Variants in ZXDC observed in about 807,000 individuals in gnomAD.
ZXDC encodes zinc finger protein ZXDC.
Under a neutral mutation model 63.6 loss-of-function variants are expected in ZXDC, and 58 were observed. The ratio of observed to expected loss-of-function variants is 0.91; its 90% CI spans 0.74 to 1.13. The LOEUF (loss-of-function observed/expected upper bound fraction) is 1.13. ZXDC is among the 50% of genes most tolerant of loss of function. ZXDC has a pLI of 0.00. For missense variants in ZXDC, 1,133 were observed against 1,148.9 expected (o/e 0.99, Z 0.20); for synonymous variants, 561 against 496.1 (o/e 1.13, Z -1.74).
In ZXDC at chr3:126,474,010, T is replaced by C. The variant is rs578186409; in HGVS notation, c.907+949A>G. ...TGAAGAGCTCACTGTGTTGGAGTCC[T>C]ACATTCCCAACAACTGCAGGTCAAC... is the stretch of plus-strand genomic sequence containing the variant. On this transcript the variant is annotated intron_variant, in intron 1 of 9. Coordinates refer to ENST00000389709, the MANE Select transcript of ZXDC (RefSeq NM_025112.5). 1.1e-3 allele frequency among the ~76,000 whole-genome samples: 169 copies of C among 151,360 alleles called. 1 individual carries two copies. The highest frequency in any genetic ancestry group is 3.8e-3 in the African/African-American group (156 of 41,186).
At chr3:126,446,897 A>G (rs1465198123) in intron 7 of ZXDC, among the ~76,000 whole-genome samples, 1 of 152,248 alleles carries the variant, frequency 6.6e-6, no homozygotes, top group Non-Finnish European at 1.5e-5. Context: ...GAAACACTGT[A>G]AGTAGTTTTT....
chr3:126,441,859 C>CCA lies in ZXDC; in HGVS notation c.2298_2299dup (p.Gly767ValfsTer107). 6.2e-7 allele frequency: 1 copy of CCA among 1,613,904 alleles called. No individual in the cohort carries two copies. Among genetic ancestry groups the CCA allele is most frequent in the East Asian group, 2.2e-5 (1 of 44,856 alleles). ...TCCTCCGCTGGGCACCACGAGGCTCCCACACAACCAACTGTTCTGGCTTGC... is the reference window on the plus strand; with the variant it reads ...TCCTCCGCTGGGCACCACGAGGCTCCCACACACAACCAACTGTTCTGGCTTGC... On this transcript the variant is annotated frameshift_variant, in exon 8 of 10. Coordinates refer to ENST00000389709, the MANE Select transcript of ZXDC (RefSeq NM_025112.5). LOFTEE classifies it high-confidence loss of function.
At chr3:126,467,637 C>A (rs1249827024) in intron 4 of ZXDC, among the ~76,000 whole-genome samples, 1 of 152,198 alleles carries the variant, frequency 6.6e-6, no homozygotes, top group Non-Finnish European at 1.5e-5. Flanking sequence ...AATACAGCTG[C>A]AAACTCGTTT....
At chr3:126,441,590 G>A (rs780622178) in intron 8 of ZXDC, 175 bp downstream of exon 8, 1 of 1,343,474 alleles carries the variant, frequency 7.4e-7, no homozygotes, top group South Asian at 2.1e-5. Context: ...AAAAAGGGAG[G>A]AGCTGGGCTG....
At chr3:126,450,842 A>C (rs1208508352) in intron 7 of ZXDC, among the ~76,000 whole-genome samples, 1 of 152,268 alleles carries the variant, frequency 6.6e-6, no homozygotes, top group Non-Finnish European at 1.5e-5. Flanking sequence ...CCTGAGCTGC[A>C]GTGCCAGCAC....
In ZXDC at chr3:126,438,398, T is replaced by C. The variant is rs200823611; in HGVS notation, c.2554A>G (p.Ile852Val). The change falls in exon 10 of 10, where the codon ATC (isoleucine) becomes GTC (valine). Residue 852 changes from isoleucine (I) to valine (V), a missense_variant. By Grantham distance (29) the Ile-to-Val change is conservative (BLOSUM62 3). Transcript: ENST00000389709. ...CGTCACTGCAGATCCTGCAGGTTGA[T>C]AGTGCTTCCTGGGAACTGGGTGGCC... ...PEATQFPGST[I>V]NLQDLQ The C allele has an allele frequency of 7.4e-6, 12 of 1,613,476 alleles. No homozygotes were observed. Among genetic ancestry groups the C allele is most frequent in the Non-Finnish European group, 1.0e-5 (12 of 1,179,832 alleles).
At chr3:126,444,312 T>C (rs571330257) in intron 7 of ZXDC, among the ~76,000 whole-genome samples, 459 of 152,256 alleles carry the variant, frequency 3.0e-3, no homozygotes, top group South Asian at 0.018. Flanking sequence ...GCGGGCAGAT[T>C]ACAAGGTCAG....
chr3:126,451,588 G>A (rs2107636935), intron 7 of ZXDC: 21 of 985,398 alleles, frequency 2.1e-5, no homozygotes, highest in Non-Finnish European at 2.5e-5. Context: ...ACAAGGACGC[G>A]CTGTGTGCAC....
In ZXDC at chr3:126,441,428, A is replaced by C. The variant is rs1264860340; in HGVS notation, c.2394+337T>G. 4 of 1,120,908 alleles carry C rather than the reference A, an allele frequency of 3.6e-6. No individual in the cohort carries two copies. In the African/African-American group the frequency reaches 6.5e-5, roughly 18 times the overall value. 69.4% of individuals were successfully genotyped at this position (1,120,908 alleles called of 1,614,324 possible). ...AGAAGGGCAGGGTGGCCTCAAACAG[A>C]TCTCATCCTGCTGCAAAACAGCCCT... On this transcript the variant is annotated intron_variant, in intron 8 of 9. Coordinates refer to ENST00000389709, the MANE Select transcript of ZXDC (RefSeq NM_025112.5).
chr3:126,459,856 T>G lies in ZXDC; in HGVS notation c.2128-119A>C. 6.4e-6 allele frequency: 10 copies of G among 1,571,640 alleles called. No homozygotes were observed. The South Asian group carries it at 1.2e-4, about 18-fold the overall frequency. On this transcript the variant is annotated intron_variant, in intron 6 of 9. Coordinates refer to ENST00000389709, the MANE Select transcript of ZXDC (RefSeq NM_025112.5). ...CATATCCGAGCTCCCAAAACCAGAG[T>G]CACCAGCAAGGCACACAAAGGGCCA...
At chr3:126,474,935 G>C (rs779290635) in intron 1 of ZXDC, 24 bp downstream of exon 1, 1 of 1,543,242 alleles carries the variant, frequency 6.5e-7, no homozygotes, top group South Asian at 1.2e-5. Flanking sequence ...CGCGCAGCCC[G>C]CCCGCCCCCG....
chr3:126,458,663 T>G, intron 7 of ZXDC: 9 of 985,402 alleles, frequency 9.1e-6, no homozygotes, highest in Non-Finnish European at 1.1e-5. Flanking sequence ...TATACTTGAA[T>G]GTTTGTCTCT....
chr3:126,441,410 C>A (rs545668259), intron 8 of ZXDC: 3 of 1,071,448 alleles, frequency 2.8e-6, no homozygotes, highest in Non-Finnish European at 2.2e-6. Context: ...AGAAGAAGGG[C>A]AGGGTGGCCT....
At chr3:126,440,908 C>G in intron 8 of ZXDC, 1 of 985,682 alleles carries the variant, frequency 1.0e-6, no homozygotes, top group Non-Finnish European at 1.2e-6. Context: ...AACCCACAAA[C>G]GTGCCTGTTT....
intron 6 of ZXDC, chr3:126,460,458 G>A (rs1231631800): frequency 2.0e-5 from 20 of 984,870 alleles, no homozygotes; most frequent in African/African-American, 5.2e-5. Context: ...AAATGAACAC[G>A]GGGTTAAGAC....
At chr3:126,459,630 G>A (rs201236477) in intron 7 of ZXDC, 23 bp downstream of exon 7, 159 of 1,613,918 alleles carry the variant, frequency 9.9e-5, no homozygotes, top group Admixed American at 7.0e-4. Flanking sequence ...TTGCTCGTCC[G>A]GCTGCAGCAC....
chr3:126,458,981 C>CA, intron 7 of ZXDC: 9 of 980,104 alleles, frequency 9.2e-6, no homozygotes, highest in Non-Finnish European at 1.1e-5. Context: ...GATATAAAAT[C>CA]ATATCAACCC....
In ZXDC at chr3:126,462,092, C is replaced by G. The variant is rs375125862; in HGVS notation, c.1570G>C (p.Gly524Arg). 5.6e-6 allele frequency: 9 copies of G among 1,613,996 alleles called. No individual in the cohort carries two copies. The African/African-American group carries it at 8.0e-5, about 14-fold the overall frequency. The change falls in exon 6 of 10, where the codon GGT (glycine) becomes CGT (arginine). Residue 524 changes from glycine (G) to arginine (R), a missense_variant. Physicochemically the swap from Gly to Arg is moderately radical, Grantham distance 125. Transcript: ENST00000389709. ...LFSDTPANASGSAGGSDEALN... is the reference protein window; with the variant it reads ...LFSDTPANASRSAGGSDEALN... ...GCCTCATCCGACCCACCTGCAGAAC[C>G]ACTAGCATTGGCAGGTGTGTCAGAG... is the stretch of plus-strand genomic sequence containing the variant.
At chr3:126,450,629 T>C (rs777495) in intron 7 of ZXDC, 428,999 of 431,152 alleles carry the variant, frequency 1, 213,465 homozygotes, top group East Asian at 1. Context: ...CCTACCCGCA[T>C]CTCCCTTCCT....
Sources: gnomAD v4.1 joint callset for allele counts (sites outside exome capture counted in the v4.1 genomes callset) on GRCh38, gnomAD v4.1.1 for gene constraint, MANE v1.5 for transcripts, NCBI Gene and HGNC (gene_info 2026-07-23, HGNC 2026-07-21) for gene names.